The following KHNYN variants were observed in gnomAD, a reference collection of about 807,000 sequenced individuals.
KHNYN encodes protein KHNYN.
In KHNYN, 42 loss-of-function variants were observed where a neutral mutation model predicts 62.7. The observed-to-expected ratio is 0.67, with a 90% confidence interval of 0.52 to 0.87. The LOEUF (loss-of-function observed/expected upper bound fraction) is 0.87, where lower values mean the gene tolerates loss of function less well. Ranked by LOEUF, KHNYN falls within the 40% of genes least tolerant of loss-of-function variation. The pLI is 0.00. For missense variants in KHNYN, 829 were observed against 874.1 expected, an observed-to-expected ratio of 0.95 and a Z score of 0.65; for synonymous variants, 347 against 345.6, an observed-to-expected ratio of 1.00 and a Z score of -0.04.
rs1297359055 is a variant in KHNYN, at chr14:24,440,909, G to T, written c.*3624G>T. On this transcript the variant is annotated 3_prime_UTR_variant, in exon 8 of 8. Transcript: ENST00000553935. The stretch of plus-strand genomic sequence containing the variant: ...CTGTCTTCATCATACTCCGCAGTCA[G>T]ACTGGGCTGGTAGTAAGCTGCCGGT... 2 of 1,613,936 alleles carry T rather than the reference G, an allele frequency of 1.2e-6. No homozygotes were observed. The highest frequency in any genetic ancestry group is 1.7e-6 in the Non-Finnish European group (2 of 1,179,910).
chr14:24,441,203 CATTT>C lies in KHNYN; in HGVS notation c.*3922_*3925del. 3.8e-6 allele frequency: 2 copies of C among 529,764 alleles called. No homozygotes were observed. Among genetic ancestry groups the C allele is most frequent in the Non-Finnish European group, 6.8e-6 (2 of 296,082 alleles). 32.8% of individuals were successfully genotyped at this position (529,764 alleles called of 1,614,324 possible). The stretch of plus-strand genomic sequence containing the variant: ...GCGCCTGAATTTTAATCAGCTCCCT[CATTT>C]ATTAACTCTCTGACTTGATGCAAGT... On this transcript the variant is annotated 3_prime_UTR_variant, in exon 8 of 8. Coordinates refer to ENST00000553935, the MANE Select transcript of KHNYN (RefSeq NM_015299.3).
chr14:24,436,530 C>A, intron 7 of KHNYN, 41 bp downstream of exon 7: 1 of 1,439,768 alleles, frequency 6.9e-7, no homozygotes, highest in Non-Finnish European at 9.6e-7. Flanking sequence ...GCCCCCACCC[C>A]TGGCCCTCTC....
chr14:24,433,159 T>C, intron 5 of KHNYN, 127 bp downstream of exon 5: 1 of 818,486 alleles, frequency 1.2e-6, no homozygotes, highest in African/African-American at 1.7e-5. Context: ...GGGCCAGTTA[T>C]TCCTCTGTGT....
At chr14:24,429,186 T>A (rs2139372781), upstream of KHNYN, 2 of 903,482 alleles carry the variant, frequency 2.2e-6, no homozygotes, top group Non-Finnish European at 3.3e-6. Flanking sequence ...CCCCTCTCCA[T>A]ACCTGTGTCC....
upstream of KHNYN, among the ~76,000 whole-genome samples, chr14:24,426,032 C>A (rs2139365731): frequency 6.6e-6 from 1 of 152,352 alleles, no homozygotes; most frequent in Non-Finnish European, 1.5e-5. Context: ...TCACGACTCA[C>A]TAAAAATAGC....
At position 24,441,776 on chromosome 14, in the gene KHNYN, T is replaced by C. The variant is rs758610186; in HGVS notation, c.*4491T>C. 2 of 1,605,620 alleles carry C rather than the reference T, an allele frequency of 1.2e-6. No individual in the cohort carries two copies. Among genetic ancestry groups the C allele is most frequent in the Non-Finnish European group, 8.5e-7 (1 of 1,177,230 alleles). On this transcript the variant is annotated 3_prime_UTR_variant, in exon 8 of 8. Transcript: ENST00000553935. ...TCTAGGCGGCTGCCGATTACCTCTT[T>C]TTGGAAGGTTTCATTCCATCTGCAG...
chr14:24,430,641 C>T, intron 1 of KHNYN, 73 bp from the exon 2 acceptor site: 1 of 1,509,128 alleles, frequency 6.6e-7, no homozygotes, highest in Non-Finnish European at 8.9e-7. Flanking sequence ...CTGTTGATAG[C>T]TGGTGTAGTC....
chr14:24,430,995 A>T, intron 2 of KHNYN, 64 bp downstream of exon 2: 1 of 1,463,316 alleles, frequency 6.8e-7, no homozygotes. Flanking sequence ...GGCGGAGGAG[A>T]GCAGGGCCGA....
intron 5 of KHNYN, 107 bp from the exon 6 acceptor site, chr14:24,435,965 T>C (rs1243866233): frequency 3.7e-6 from 3 of 812,298 alleles, no homozygotes; most frequent in Admixed American, 3.6e-5. Context: ...ATATATTGCA[T>C]AGTGGTGAAG....
rs576467625 is a variant in KHNYN at position 24,438,908 on chromosome 14, T to A, written c.*1623T>A. On this transcript the variant is annotated 3_prime_UTR_variant, in exon 8 of 8. Coordinates refer to ENST00000553935, the MANE Select transcript of KHNYN (RefSeq NM_015299.3). ...GTGGCACAGGGAGTTGAATACTGCA[T>A]GGCGAGTGTAATGATGATGGGGAGG... is the stretch of plus-strand genomic sequence containing the variant. 3 of 152,232 alleles carry A rather than the reference T, an allele frequency of 2.0e-5. No individual in the cohort carries two copies. Among genetic ancestry groups the A allele is most frequent in the Non-Finnish European group, 4.4e-5 (3 of 68,088 alleles). 9.4% of individuals were successfully genotyped at this position (152,232 alleles called of 1,614,324 possible).
chr14:24,440,455 G>A lies in KHNYN; in HGVS notation c.*3170G>A. The A allele has an allele frequency of 1.9e-6, 3 of 1,610,350 alleles. No homozygotes were observed. The highest frequency in any genetic ancestry group is 1.1e-5 in the South Asian group (1 of 90,404). On this transcript the variant is annotated 3_prime_UTR_variant, in exon 8 of 8. Transcript: ENST00000553935. Reference sequence around the variant, plus strand: ...GGCCCAGGCGAAAGGGCAGCAGCATGTGGCCCATGGCACCACCCCCACGGC... The same window carrying A: ...GGCCCAGGCGAAAGGGCAGCAGCATATGGCCCATGGCACCACCCCCACGGC...
upstream of KHNYN, among the ~76,000 whole-genome samples, chr14:24,426,186 A>C (rs967705995): frequency 6.6e-6 from 1 of 152,238 alleles, no homozygotes; most frequent in East Asian, 1.9e-4. Context: ...TCCTTTTGAT[A>C]ATCAAATTGT....
chr14:24,441,075 C>T lies in KHNYN; in HGVS notation c.*3790C>T. 1.2e-6 allele frequency: 1 copy of T among 859,526 alleles called. No individual in the cohort carries two copies. Among genetic ancestry groups the T allele is most frequent in the African/African-American group, 1.7e-5 (1 of 59,594 alleles). The allele number at this position is 859,526 out of a possible 1,614,324, so 53.2% of individuals were successfully genotyped here. ...ATTTGGATATTTTCCCCTTGAACTT[C>T]TCCATGACCTGAAGCGTTCCTTCCC... On this transcript the variant is annotated 3_prime_UTR_variant, in exon 8 of 8. Transcript: ENST00000553935.
intron 7 of KHNYN, 51 bp from the exon 8 acceptor site, chr14:24,436,985 A>C (rs776946268): frequency 5.4e-5 from 85 of 1,575,236 alleles, no homozygotes; most frequent in Non-Finnish European, 7.3e-5. Flanking sequence ...ACTAAGATCT[A>C]ATTTCCCCCC....
At chr14:24,430,573 GGA>G in intron 1 of KHNYN, 139 bp from the exon 2 acceptor site, 1 of 1,434,576 alleles carries the variant, frequency 7.0e-7, no homozygotes, top group Non-Finnish European at 9.1e-7. Flanking sequence ...TACCTCCAGT[GGA>G]CTCAGATGCT....
chr14:24,429,688 A>G (rs1436852097), upstream of KHNYN: 8 of 985,210 alleles, frequency 8.1e-6, no homozygotes, highest in South Asian at 1.9e-4. Flanking sequence ...TTGGTCGGCC[A>G]CATCTTTATT....
rs951624696 is a variant in KHNYN at position 24,432,873 on chromosome 14, A to G, written c.1480+21A>G. On this transcript the variant is annotated intron_variant, in intron 4 of 7. Coordinates refer to ENST00000553935, the MANE Select transcript of KHNYN (RefSeq NM_015299.3). The surrounding 1 kb of genome is among the most constrained non-coding windows in gnomAD (Gnocchi z 5.6). ...CAGAGGTGAGTTGGGCCTGGTCTTC[A>G]GTGTCCCAGGATAGGCTCTGTTTCC... The G allele has an allele frequency of 1.2e-6, 2 of 1,614,226 alleles. No individual in the cohort carries two copies. The highest frequency in any genetic ancestry group is 8.5e-7 in the Non-Finnish European group (1 of 1,180,032).
Position 24,441,708 on chromosome 14 carries a change from T to A in KHNYN, c.*4423T>A. On this transcript the variant is annotated 3_prime_UTR_variant, in exon 8 of 8. Transcript: ENST00000553935. The stretch of plus-strand genomic sequence containing the variant: ...TGACTAAGACCCAGGCCTTGGGGGG[T>A]TGTGGGGCTTTGGTGATGGCTTTAG... The A allele has an allele frequency of 1.3e-6, 2 of 1,595,774 alleles. No homozygotes were observed. Among genetic ancestry groups the A allele is most frequent in the Non-Finnish European group, 1.7e-6 (2 of 1,174,826 alleles).
At position 24,440,690 on chromosome 14, in the gene KHNYN, C is replaced by T. The variant is rs893569420; in HGVS notation, c.*3405C>T. 1 of 1,502,216 alleles carries T rather than the reference C, an allele frequency of 6.7e-7. No individual in the cohort carries two copies. The highest frequency in any genetic ancestry group is 9.1e-7 in the Non-Finnish European group (1 of 1,098,502). 93.1% of individuals were successfully genotyped at this position (1,502,216 alleles called of 1,614,324 possible). A position where few individuals can be genotyped will look rare whatever the true frequency, so the allele number is the denominator to read the frequency against. On this transcript the variant is annotated 3_prime_UTR_variant, in exon 8 of 8. Transcript: ENST00000553935. ...CTAGAAGTGGTGGCATCCTCTCACTCTGTAATTGTAATCTCAGCTCTCCTA... is the reference window on the plus strand; with the variant it reads ...CTAGAAGTGGTGGCATCCTCTCACTTTGTAATTGTAATCTCAGCTCTCCTA...
Sources: gnomAD v4.1 joint callset for allele counts (sites outside exome capture counted in the v4.1 genomes callset) on GRCh38, gnomAD v4.1.1 for gene constraint, Gnocchi (gnomAD v3.1) non-coding constraint, MANE v1.5 for transcripts, NCBI Gene and HGNC (gene_info 2026-07-23, HGNC 2026-07-21) for gene names.